UGP2: variants seen among roughly 807,000 people sequenced by gnomAD.
UGP2 encodes UDP-glucose pyrophosphorylase 2.
A neutral mutation model predicts 49.0 loss-of-function variants in UGP2; 40 were observed. The observed-to-expected ratio is 0.82, with a 90% CI of 0.63 to 1.06. The LOEUF (loss-of-function observed/expected upper bound fraction) is 1.06. Among genes scored for constraint, UGP2 ranks in the 50% least tolerant of loss-of-function variants. The pLI is 0.00. For missense variants in UGP2, 460 were observed against 603.5 expected (o/e 0.76, Z 2.49); for synonymous variants, 225 against 213.0 (o/e 1.06, Z -0.49).
chr2:63,858,726 A>G (rs548937922), intron 3 of UGP2, among the ~76,000 whole-genome samples: 45 of 152,124 alleles, frequency 3.0e-4, no homozygotes, highest in African/African-American at 1.1e-3. Flanking sequence ...TTTAAGTAGT[A>G]GATTTAATAG....
intron 3 of UGP2, among the ~76,000 whole-genome samples, chr2:63,879,933 G>A (rs976221146): frequency 4.6e-5 from 7 of 151,956 alleles, no homozygotes; most frequent in African/African-American, 7.3e-5. Flanking sequence ...AGGAGTTTTC[G>A]GTGACTTTCA....
chr2:63,887,711 A>T (rs1671787236), intron 8 of UGP2, 67 bp downstream of exon 8: 2 of 1,573,934 alleles, frequency 1.3e-6, no homozygotes, highest in Non-Finnish European at 1.7e-6. Context: ...TATGATATAC[A>T]TGTGAATTGG....
intron 3 of UGP2, among the ~76,000 whole-genome samples, chr2:63,872,019 G>A (rs930758354): frequency 1.3e-5 from 2 of 152,186 alleles, no homozygotes; most frequent in Admixed American, 6.5e-5. Context: ...GAAAATAGCC[G>A]TAGACTATAT....
intron 1 of UGP2, among the ~76,000 whole-genome samples, chr2:63,847,916 G>A (rs1192571298): frequency 6.6e-6 from 1 of 152,184 alleles, no homozygotes; most frequent in Non-Finnish European, 1.5e-5. Context: ...CCTGACATAG[G>A]CATTATGAGT....
At position 63,891,259 on chromosome 2, in the gene UGP2, G is replaced by C; in HGVS notation, c.*32G>C. On this transcript the variant is annotated 3_prime_UTR_variant, in exon 10 of 10. Coordinates refer to ENST00000337130, the MANE Select transcript of UGP2 (RefSeq NM_006759.4). ...AAATACTGTGGACACTTAAATAATGGGCTAGTTTCTTACAATGAAATGTTC... is the reference window on the plus strand; with the variant it reads ...AAATACTGTGGACACTTAAATAATGCGCTAGTTTCTTACAATGAAATGTTC... The C allele has an allele frequency of 6.4e-7, 1 of 1,551,904 alleles. No homozygotes were observed. Among genetic ancestry groups the C allele is most frequent in the Non-Finnish European group, 8.9e-7 (1 of 1,126,374 alleles).
intron 3 of UGP2, among the ~76,000 whole-genome samples, chr2:63,866,867 T>C (rs1444441725): frequency 6.6e-6 from 1 of 152,150 alleles, no homozygotes; most frequent in Non-Finnish European, 1.5e-5. Flanking sequence ...AGGAAGCAAG[T>C]AGGGAGTAGC....
At chr2:63,868,145 G>T (rs965474435) in intron 3 of UGP2, among the ~76,000 whole-genome samples, 4 of 152,150 alleles carry the variant, frequency 2.6e-5, no homozygotes, top group Non-Finnish European at 5.9e-5. Flanking sequence ...TTGTCTTAGA[G>T]GACTATTGTA....
chr2:63,888,045 A>G (rs1017486927), intron 8 of UGP2: 1 of 165,386 alleles, frequency 6.0e-6, no homozygotes, highest in East Asian at 1.6e-4. Context: ...CGGAATTGAC[A>G]TTCTAGTGGG....
chr2:63,870,889 G>GA (rs1670503677), intron 3 of UGP2, among the ~76,000 whole-genome samples: 1 of 152,194 alleles, frequency 6.6e-6, no homozygotes, highest in Non-Finnish European at 1.5e-5. Context: ...CCAAAGCCAA[G>GA]AGCTGCACCA....
intron 3 of UGP2, among the ~76,000 whole-genome samples, chr2:63,861,166 T>A (rs1028872031): frequency 6.6e-5 from 10 of 151,918 alleles, no homozygotes; most frequent in African/African-American, 1.4e-4. Flanking sequence ...AAAAAAATTT[T>A]TATATATATA....
chr2:63,865,281 T>C (rs954835531), intron 3 of UGP2, among the ~76,000 whole-genome samples: 1 of 152,198 alleles, frequency 6.6e-6, no homozygotes, highest in Non-Finnish European at 1.5e-5. Context: ...GGCCGTTTAG[T>C]TGGGAAGGAG....
intron 3 of UGP2, among the ~76,000 whole-genome samples, chr2:63,876,714 T>A (rs767504120): frequency 6.6e-6 from 1 of 152,192 alleles, no homozygotes; most frequent in Non-Finnish European, 1.5e-5. Flanking sequence ...ATACAACACA[T>A]CACAGAGAAA....
chr2:63,865,838 G>A (rs1446061284), intron 3 of UGP2, among the ~76,000 whole-genome samples: 1 of 151,924 alleles, frequency 6.6e-6, no homozygotes, highest in Non-Finnish European at 1.5e-5. Context: ...CCTGGCCTTG[G>A]GTCTACTTTT....
chr2:63,852,041 T>A (rs778642655), intron 1 of UGP2, among the ~76,000 whole-genome samples: 7 of 152,236 alleles, frequency 4.6e-5, no homozygotes, highest in Non-Finnish European at 1.0e-4. Flanking sequence ...TATACCCTTA[T>A]GGCTTACTGG....
At chr2:63,887,213 C>T (rs549148747) in intron 7 of UGP2, among the ~76,000 whole-genome samples, 189 bp from the exon 8 acceptor site, 93 of 151,180 alleles carry the variant, frequency 6.2e-4, no homozygotes, top group African/African-American at 2.0e-3. Flanking sequence ...TACAGTGAGC[C>T]GAGATTGCGC....
At chr2:63,843,870 TTTTTTTC>T (rs1158919998) in intron 1 of UGP2, among the ~76,000 whole-genome samples, 1 of 152,136 alleles carries the variant, frequency 6.6e-6, no homozygotes, top group Non-Finnish European at 1.5e-5. Context: ...TGCCAGCCAC[TTTTTTTC>T]TTTTTTCTTT....
intron 3 of UGP2, among the ~76,000 whole-genome samples, chr2:63,860,995 G>GAGT (rs1185219039): frequency 1.3e-5 from 2 of 151,976 alleles, no homozygotes; most frequent in East Asian, 3.8e-4. Flanking sequence ...AGCTCTCAGT[G>GAGT]AGTACATAGA....
chr2:63,863,189 A>G (rs988572276), intron 3 of UGP2, among the ~76,000 whole-genome samples: 11 of 152,200 alleles, frequency 7.2e-5, no homozygotes, highest in Non-Finnish European at 1.3e-4. Context: ...TACCTTTTAC[A>G]CTTAAAAAAT....
At chr2:63,881,459 G>C (rs1671306646) in intron 3 of UGP2, among the ~76,000 whole-genome samples, 2 of 152,126 alleles carry the variant, frequency 1.3e-5, no homozygotes, top group Admixed American at 1.3e-4. Context: ...AGTCCATTAT[G>C]TGTTAGCTGT....
Sources: gnomAD v4.1 joint callset for allele counts (sites outside exome capture counted in the v4.1 genomes callset) on GRCh38, gnomAD v4.1.1 for gene constraint, MANE v1.5 for transcripts, NCBI Gene and HGNC (gene_info 2026-07-23, HGNC 2026-07-21) for gene names.